The following CCDC174 variants were observed in gnomAD, a reference collection of about 807,000 sequenced individuals.
CCDC174 encodes coiled-coil domain-containing protein 174.
CCDC174 carries 37 observed loss-of-function variants against 57.1 expected under a neutral mutation model. That is an observed-to-expected ratio of 0.65 (90% confidence interval 0.50 to 0.85). The LOEUF (loss-of-function observed/expected upper bound fraction) is 0.85. CCDC174 is among the 40% of genes least tolerant of loss of function. The probability of loss-of-function intolerance (pLI) is 0.00; values close to 1 mark genes in which losing one functional copy is unlikely to be tolerated. For synonymous variants in CCDC174, 182 were observed against 190.2 expected, an observed-to-expected ratio of 0.96 and a Z score of 0.35; for missense variants, 540 against 574.3, an observed-to-expected ratio of 0.94 and a Z score of 0.61.
At chr3:14,660,381 G>A (rs1341319988) in intron 4 of CCDC174, among the ~76,000 whole-genome samples, 1 of 152,202 alleles carries the variant, frequency 6.6e-6, no homozygotes, top group Non-Finnish European at 1.5e-5. Flanking sequence ...GCAGGCACCT[G>A]TAGTCTCAGC....
chr3:14,671,441 G>T lies in CCDC174; in HGVS notation c.*247G>T. On this transcript the variant is annotated 3_prime_UTR_variant, in exon 11 of 11. Transcript: ENST00000383794. ...ACATGTGAGCTGCGATAGAATAGAA[G>T]TATTTATTCTGTAAAATTAGACACT... 1.1e-5 allele frequency: 5 copies of T among 463,180 alleles called. No individual in the cohort carries two copies. The highest frequency in any genetic ancestry group is 1.9e-5 in the Non-Finnish European group (5 of 262,118). 28.7% of individuals were successfully genotyped at this position (463,180 alleles called of 1,614,324 possible).
At position 14,665,016 on chromosome 3, in the gene CCDC174, C is replaced by G; in HGVS notation, c.486-12C>G. 6.2e-7 allele frequency: 1 copy of G among 1,605,228 alleles called. No homozygotes were observed. The highest frequency in any genetic ancestry group is 8.5e-7 in the Non-Finnish European group (1 of 1,172,146). Reference sequence around the variant, plus strand: ...ACAAGTCCTTCTTCACATCTTTTTGCTTTCATTTCAGGGTGGATTACGTGG... The same window carrying G: ...ACAAGTCCTTCTTCACATCTTTTTGGTTTCATTTCAGGGTGGATTACGTGG... On this transcript the variant is annotated splice_polypyrimidine_tract_variant and intron_variant, in intron 5 of 10. Transcript: ENST00000383794.
At chr3:14,652,153 G>C (rs6442463) in intron 1 of CCDC174, among the ~76,000 whole-genome samples, 77,024 of 151,598 alleles carry the variant, frequency 0.51, 19,660 homozygotes, top group Non-Finnish European at 0.56. Context: ...AGGAAACTCC[G>C]TGCCTCACCT....
intron 6 of CCDC174, among the ~76,000 whole-genome samples, 171 bp from the exon 7 acceptor site, chr3:14,666,634 A>T (rs962738407): frequency 6.6e-6 from 1 of 151,734 alleles, no homozygotes; most frequent in Admixed American, 6.6e-5. Flanking sequence ...AAAAAAAAAA[A>T]GGCGAAGGCT....
In CCDC174 at chr3:14,651,774, G is replaced by A; in HGVS notation, c.-63G>A. The A allele has an allele frequency of 3.2e-6, 5 of 1,559,152 alleles. No individual in the cohort carries two copies. In the South Asian group the frequency reaches 5.6e-5, roughly 17 times the overall value. On this transcript the variant is annotated 5_prime_UTR_variant, in exon 1 of 11. Transcript: ENST00000383794. ...GACACTTCCGGTTGCGACGGAGGTA[G>A]GCTTACGAGGCCTGTGTCGGGTAGA...
rs1195263931 is a variant in CCDC174 at position 14,654,501 on chromosome 3, GT to G, written c.123del (p.Phe41LeufsTer19). ...AGAAAAACTTCTAAAAGATTCTGGA[GT>G]TTTTGGAAAACCAAAAACAACTAAC... ...KQEKLLKDSG[V>X]FGKPKTTNKK... On this transcript the variant is annotated frameshift_variant, in exon 2 of 11. Coordinates refer to ENST00000383794, the MANE Select transcript of CCDC174 (RefSeq NM_016474.5). LOFTEE classifies it high-confidence loss of function. The G allele has an allele frequency of 3.7e-6, 6 of 1,600,230 alleles. No homozygotes were observed. Among genetic ancestry groups the G allele is most frequent in the South Asian group, 1.1e-5 (1 of 88,942 alleles).
At chr3:14,666,240 A>C (rs905500862) in intron 6 of CCDC174, among the ~76,000 whole-genome samples, 1 of 152,136 alleles carries the variant, frequency 6.6e-6, no homozygotes, top group Non-Finnish European at 1.5e-5. Flanking sequence ...TGGTCAGCCC[A>C]GGACCTGGGT....
At chr3:14,664,044 C>G (rs577457503) in intron 5 of CCDC174, among the ~76,000 whole-genome samples, 2 of 149,136 alleles carry the variant, frequency 1.3e-5, no homozygotes, top group Non-Finnish European at 3.0e-5. Context: ...TTCCCCCATC[C>G]ATTTGGGGGG....
chr3:14,670,713 G>T (rs1238033509), intron 10 of CCDC174, among the ~76,000 whole-genome samples, 183 bp from the exon 11 acceptor site: 1 of 152,042 alleles, frequency 6.6e-6, no homozygotes, highest in Non-Finnish European at 1.5e-5. Context: ...TCTTAGCCTG[G>T]TCTTTTATAC....
In CCDC174 at chr3:14,671,116, C is replaced by G. The variant is rs374228927; in HGVS notation, c.1326C>G (p.Pro442=). 5 of 1,614,170 alleles carry G rather than the reference C, an allele frequency of 3.1e-6. No homozygotes were observed. In the South Asian group the frequency reaches 5.5e-5, roughly 18 times the overall value. Residue 442 remains proline, a synonymous_variant, in exon 11 of 11, where the codon CCC becomes CCG. Transcript: ENST00000383794. ...AACATACGTCACCCACTCCTGCCCCCGACAACCCACCACAAGCCCCCACAG... is the reference window on the plus strand; with the variant it reads ...AACATACGTCACCCACTCCTGCCCCGGACAACCCACCACAAGCCCCCACAG... ...SPEHTSPTPA[P]DNPPQAPTVT...
Position 14,668,096 on chromosome 3 carries a change from G to A in CCDC174, c.867G>A (p.Lys289=). 1 of 1,607,268 alleles carries A rather than the reference G, an allele frequency of 6.2e-7. No individual in the cohort carries two copies. Among genetic ancestry groups the A allele is most frequent in the Middle Eastern group, 1.7e-4 (1 of 6,036 alleles). ...TKRENIKEKR[K]AILEARLAKL... ...GAGAAAACATAAAGGAAAAGCGAAA[G>A]GCTATCTTAGAGGCAAGACTTGCCA... The change falls in exon 9 of 11, where the codon AAG becomes AAA. Residue 289 remains lysine, a synonymous_variant. Transcript: ENST00000383794.
chr3:14,655,657 G>C, intron 3 of CCDC174, 28 bp downstream of exon 3: 1 of 1,450,922 alleles, frequency 6.9e-7, no homozygotes, highest in East Asian at 2.3e-5. Context: ...GGTAAATATA[G>C]TTAGCTTTGA....
At chr3:14,655,364 G>A (rs1030348172) in intron 2 of CCDC174, among the ~76,000 whole-genome samples, 165 bp from the exon 3 acceptor site, 2 of 150,956 alleles carry the variant, frequency 1.3e-5, no homozygotes, top group African/African-American at 4.9e-5. Flanking sequence ...TTTAGCTCCT[G>A]CTTGCCATGT....
In CCDC174 at chr3:14,669,828, A is replaced by G. The variant is rs1347253115; in HGVS notation, c.953-106A>G. On this transcript the variant is annotated intron_variant, in intron 9 of 10. Transcript: ENST00000383794. ...CTGCCTGGGACATGTTAGGTACTTC[A>G]TAAATACTGATGGTTACTTTTACTT... 8 of 1,158,724 alleles carry G rather than the reference A, an allele frequency of 6.9e-6. No individual in the cohort carries two copies. The African/African-American group carries it at 7.7e-5, about 11-fold the overall frequency. 71.8% of individuals were successfully genotyped at this position (1,158,724 alleles called of 1,614,324 possible).
intron 3 of CCDC174, among the ~76,000 whole-genome samples, chr3:14,656,752 G>A (rs1288039947): frequency 6.6e-6 from 1 of 152,102 alleles, no homozygotes; most frequent in South Asian, 2.1e-4. Context: ...CACATTGCTG[G>A]TTTCAGAATG....
Position 14,668,137 on chromosome 3 carries a change from A to T in CCDC174, c.908A>T (p.Lys303Met). The change falls in exon 9 of 11, where the codon AAG (lysine) becomes ATG (methionine). Residue 303 changes from lysine (K) to methionine (M), a missense_variant. Transcript: ENST00000383794. ...AGACTTGCCAAACTTCGACAAAAAA[A>T]GATGAAAAAATCAAAAGAAGGTGGA... ...EARLAKLRQKKMKKSKEGGTE... is the reference protein window; with the variant it reads ...EARLAKLRQKMMKKSKEGGTE... 1 of 1,612,000 alleles carries T rather than the reference A, an allele frequency of 6.2e-7. No homozygotes were observed. The highest frequency in any genetic ancestry group is 1.1e-5 in the South Asian group (1 of 90,514).
At chr3:14,669,890 T>C (rs200531449) in intron 9 of CCDC174, 44 bp from the exon 10 acceptor site, 48 of 1,596,528 alleles carry the variant, frequency 3.0e-5, no homozygotes, top group Non-Finnish European at 4.0e-5. Context: ...AAAAATAGCT[T>C]TAGGCTTTTT....
chr3:14,653,881 T>C (rs1427461947), intron 1 of CCDC174, among the ~76,000 whole-genome samples: 7 of 152,274 alleles, frequency 4.6e-5, no homozygotes, highest in Admixed American at 4.6e-4. Context: ...CTCTGTTATC[T>C]GAACTTATGT....
At chr3:14,653,394 A>G (rs1029396120) in intron 1 of CCDC174, among the ~76,000 whole-genome samples, 1 of 152,270 alleles carries the variant, frequency 6.6e-6, no homozygotes, top group Non-Finnish European at 1.5e-5. Flanking sequence ...GTCTGCAGTG[A>G]AACTGCCCTT....
Sources: allele counts gnomAD v4.1 joint callset (sites outside exome capture counted in the v4.1 genomes callset), GRCh38; gene constraint gnomAD v4.1.1; transcripts MANE v1.5; gene names NCBI Gene and HGNC (gene_info 2026-07-23, HGNC 2026-07-21).